LRP1B: variants seen among roughly 807,000 people sequenced by gnomAD.
LRP1B encodes low-density lipoprotein receptor-related protein 1B.
In LRP1B, 217 loss-of-function variants were observed where a neutral mutation model predicts 556.6. The ratio of observed to expected loss-of-function variants is 0.39; its 90% CI spans 0.35 to 0.44. The LOEUF (loss-of-function observed/expected upper bound fraction) is 0.44. LRP1B is among the 20% of genes least tolerant of loss of function. LRP1B has a pLI of 1.00. For missense variants in LRP1B, 5,053 were observed against 5,620.8 expected (o/e 0.90, Z 3.23); for synonymous variants, 2,047 against 1,865.8 (o/e 1.10, Z -2.50).
In LRP1B at chr2:141,982,157, A is replaced by G. The variant is rs541730833; in HGVS notation, c.82+148491T>C. Among the ~76,000 whole-genome samples, 6 of 151,702 alleles carry G rather than the reference A, an allele frequency of 4.0e-5. No homozygotes were observed. The South Asian group carries it at 8.3e-4, about 21-fold the overall frequency. ...ACAACCTATGCCTGTAGTGTAGATT[A>G]TAGCTAACTCAATCCGTACAGTTCT... On this transcript the variant is annotated intron_variant, in intron 1 of 90. Coordinates refer to ENST00000389484, the MANE Select transcript of LRP1B (RefSeq NM_018557.3).
At chr2:141,529,588 A>G (rs566706331) in intron 2 of LRP1B, among the ~76,000 whole-genome samples, 108 of 152,246 alleles carry the variant, frequency 7.1e-4, no homozygotes, top group African/African-American at 2.5e-3. Context: ...AATCAAACTG[A>G]CTTGGATTCA....
At chr2:140,953,982 C>G (rs935156659) in intron 18 of LRP1B, among the ~76,000 whole-genome samples, 3 of 152,182 alleles carry the variant, frequency 2.0e-5, no homozygotes, top group Admixed American at 6.6e-5. Flanking sequence ...ATATTGTTAG[C>G]ATATATTCAG....
chr2:141,782,428 A>G (rs541138444), intron 2 of LRP1B, among the ~76,000 whole-genome samples: 1 of 151,080 alleles, frequency 6.6e-6, no homozygotes, highest in Non-Finnish European at 1.5e-5. Context: ...AACCTCCATT[A>G]TCTAAGACTA....
chr2:142,023,958 T>C (rs543264084), intron 1 of LRP1B, among the ~76,000 whole-genome samples: 55 of 152,354 alleles, frequency 3.6e-4, no homozygotes, highest in African/African-American at 1.3e-3. Context: ...TTTATGTATG[T>C]ATTTTGAGAT....
At chr2:141,740,217 A>G (rs1693645710) in intron 2 of LRP1B, among the ~76,000 whole-genome samples, 1 of 152,144 alleles carries the variant, frequency 6.6e-6, no homozygotes. Flanking sequence ...TATTCAATAA[A>G]TTCTCCTGTG....
chr2:141,244,160 G>A (rs574460878), intron 5 of LRP1B, among the ~76,000 whole-genome samples: 21 of 152,224 alleles, frequency 1.4e-4, no homozygotes, highest in South Asian at 1.2e-3. Context: ...TCTCTCTGCC[G>A]TCACATAAAG....
intron 2 of LRP1B, among the ~76,000 whole-genome samples, chr2:141,517,257 A>AATACACACACACACACACACACACACAC (rs1190662583): frequency 1.6e-3 from 7 of 4,256 alleles, no homozygotes; most frequent in Middle Eastern, 0.12. Context: ...GAAGGACAAG[A>AATACACACACACACACACACACACACAC]ATACGCACAC....
chr2:142,041,672 C>G (rs1447781591), intron 1 of LRP1B, among the ~76,000 whole-genome samples: 1 of 151,392 alleles, frequency 6.6e-6, no homozygotes, highest in Non-Finnish European at 1.5e-5. Flanking sequence ...TTAAGAATTA[C>G]TAGGATGAAC....
intron 7 of LRP1B, among the ~76,000 whole-genome samples, chr2:141,095,562 A>G (rs907421293): frequency 2.0e-5 from 3 of 151,004 alleles, no homozygotes; most frequent in Non-Finnish European, 4.4e-5. Context: ...TTTCATTTCT[A>G]TCTTATCTTT....
At position 140,485,435 on chromosome 2, in the gene LRP1B, A is replaced by G; in HGVS notation, c.9333T>C (p.Ile3111=). 1.2e-6 allele frequency: 2 copies of G among 1,613,956 alleles called. No individual in the cohort carries two copies. Among genetic ancestry groups the G allele is most frequent in the Non-Finnish European group, 1.7e-6 (2 of 1,179,876 alleles). The change falls in exon 59 of 91, where the codon ATT becomes ATC. Residue 3111 remains isoleucine (I), a synonymous_variant. Transcript: ENST00000389484. Reference sequence around the variant, plus strand: ...ACAAGCCATTGAGTTTGGATACTTCAATGATTCTTTTTTCTGTGTCAGACC... The same window carrying G: ...ACAAGCCATTGAGTTTGGATACTTCGATGATTCTTTTTTCTGTGTCAGACC... ...LYWSDTEKRI[I]EVSKLNGLYP... is the part of the protein sequence containing the mutation.
rs993870563 is a variant in LRP1B at position 140,886,226 on chromosome 2, T to G, written c.3876A>C (p.Ala1292=). ...AACTTTGATTGAAGTGAAAATCAAGTGCTATTGTGTTTCTCAATCCAGGAA... is the reference window on the plus strand; with the variant it reads ...AACTTTGATTGAAGTGAAAATCAAGGGCTATTGTGTTTCTCAATCCAGGAA... ...LLVPGLRNTI[A]LDFHFNQSLL... Residue 1292 remains alanine (A), a synonymous_variant, in exon 24 of 91, where the codon GCA becomes GCC. Coordinates refer to ENST00000389484, the MANE Select transcript of LRP1B (RefSeq NM_018557.3). 5.0e-6 allele frequency: 8 copies of G among 1,608,502 alleles called. 1 individual carries two copies. The highest frequency in any genetic ancestry group is 2.2e-5 in the East Asian group (1 of 44,670).
chr2:141,563,892 G>A (rs576994698), intron 2 of LRP1B, among the ~76,000 whole-genome samples: 1 of 151,930 alleles, frequency 6.6e-6, no homozygotes, highest in Non-Finnish European at 1.5e-5. Context: ...GGAGGGAGAC[G>A]GGGAAAGCTA....
At chr2:141,101,698 T>C (rs1700466609) in intron 7 of LRP1B, among the ~76,000 whole-genome samples, 1 of 152,176 alleles carries the variant, frequency 6.6e-6, no homozygotes, top group East Asian at 1.9e-4. Flanking sequence ...TATATTAGCC[T>C]TTTTCAGGAT....
chr2:141,814,678 T>C (rs1358838826), intron 1 of LRP1B, among the ~76,000 whole-genome samples: 1 of 152,160 alleles, frequency 6.6e-6, no homozygotes, highest in Non-Finnish European at 1.5e-5. Flanking sequence ...TTAAAAAATA[T>C]ACTGATTATG....
intron 3 of LRP1B, among the ~76,000 whole-genome samples, chr2:141,365,654 G>GCTTTTTTTTTTTTTTTTGGCT (rs1559031840): frequency 7.6e-6 from 1 of 131,672 alleles, no homozygotes; most frequent in African/African-American, 2.9e-5. Context: ...TGTTTTTGTT[G>GCTTTTTTTTTTTTTTTTGGCT]CTTTTTTTTT....
intron 41 of LRP1B, among the ~76,000 whole-genome samples, chr2:140,673,113 C>G (rs1685547637): frequency 1.3e-5 from 2 of 152,220 alleles, no homozygotes; most frequent in African/African-American, 4.8e-5. Flanking sequence ...AACAGTTCTT[C>G]CCTCAATCTA....
chr2:140,780,002 A>G (rs988540322), intron 32 of LRP1B, among the ~76,000 whole-genome samples: 3 of 151,994 alleles, frequency 2.0e-5, no homozygotes, highest in African/African-American at 7.3e-5. Flanking sequence ...TTGGATCATG[A>G]GAATAGAAGA....
chr2:140,414,148 T>C (rs2105252867), intron 66 of LRP1B, among the ~76,000 whole-genome samples: 1 of 152,280 alleles, frequency 6.6e-6, no homozygotes, highest in South Asian at 2.1e-4. Flanking sequence ...ACTCATAACC[T>C]GAAGCAATCC....
At chr2:141,225,615 C>A (rs909677381) in intron 6 of LRP1B, among the ~76,000 whole-genome samples, 10 of 151,974 alleles carry the variant, frequency 6.6e-5, no homozygotes, top group Admixed American at 5.2e-4. Flanking sequence ...CAAAATTATC[C>A]CCAAAGTCTG....
Sources: allele counts gnomAD v4.1 joint callset (sites outside exome capture counted in the v4.1 genomes callset), GRCh38; gene constraint gnomAD v4.1.1; transcripts MANE v1.5; gene names NCBI Gene and HGNC (gene_info 2026-07-23, HGNC 2026-07-21).